EHF: variants seen among roughly 807,000 people sequenced by gnomAD.
EHF encodes the protein ESE3 transcription factor.
EHF carries 14 observed loss-of-function variants against 45.1 expected under a neutral mutation model. The observed-to-expected ratio is 0.31, with a 90% CI of 0.21 to 0.49. The LOEUF is 0.49. Among genes scored for constraint, EHF ranks in the 20% least tolerant of loss-of-function variants. The probability of loss-of-function intolerance (pLI) is 0.99; values close to 1 mark genes in which losing one functional copy is unlikely to be tolerated. For synonymous variants in EHF, 136 were observed against 131.8 expected (o/e 1.03, Z -0.22); for missense variants, 282 against 371.4 (o/e 0.76, Z 1.98).
rs752683027 is a variant in EHF at position 34,651,530 on chromosome 11, T to G, written c.407-12T>G. The stretch of plus-strand genomic sequence containing the variant: ...GAGATCGCTGACTATTCTCCTTCTC[T>G]ATTTTTTGTAGAGCCTTCCATCATG... On this transcript the variant is annotated splice_polypyrimidine_tract_variant and intron_variant, in intron 4 of 8. Coordinates refer to ENST00000257831, the MANE Select transcript of EHF (RefSeq NM_012153.6). The G allele has an allele frequency of 1.2e-6, 2 of 1,611,148 alleles. No individual in the cohort carries two copies. Among genetic ancestry groups the G allele is most frequent in the Non-Finnish European group, 1.7e-6 (2 of 1,177,540 alleles).
At chr11:34,632,304 C>T (rs977972627) in intron 1 of EHF, among the ~76,000 whole-genome samples, 2 of 152,160 alleles carry the variant, frequency 1.3e-5, no homozygotes, top group Non-Finnish European at 2.9e-5. Context: ...AAAGGTAGGG[C>T]TTATACCCTC....
chr11:34,642,220 T>C (rs1435026885), intron 1 of EHF: 2 of 178,334 alleles, frequency 1.1e-5, no homozygotes, highest in South Asian at 1.2e-4. Flanking sequence ...TGCCACCAGC[T>C]TGGATTTTCA....
At chr11:34,648,380 T>A (rs1009683701) in intron 3 of EHF, among the ~76,000 whole-genome samples, 1 of 151,764 alleles carries the variant, frequency 6.6e-6, no homozygotes, top group African/African-American at 2.4e-5. Flanking sequence ...TACATATATA[T>A]GCTTTTATAT....
chr11:34,655,210 T>TGG (rs1020011603), intron 6 of EHF, among the ~76,000 whole-genome samples: 3 of 152,138 alleles, frequency 2.0e-5, no homozygotes, highest in Non-Finnish European at 2.9e-5. Flanking sequence ...TTAACCAGGA[T>TGG]GAGAGGTTTC....
rs150387639 is a variant in EHF, at chr11:34,647,677, C to A, written c.343+993C>A. On this transcript the variant is annotated intron_variant, in intron 3 of 8. Transcript: ENST00000257831. Reference sequence around the variant, plus strand: ...CGGCATGAGCTCCAGGGCTGTGAACCAGAGTCATACCCTGGCAACAGCCAT... The same window carrying A: ...CGGCATGAGCTCCAGGGCTGTGAACAAGAGTCATACCCTGGCAACAGCCAT... Among the ~76,000 whole-genome samples, 23 of 152,352 alleles carry A rather than the reference C, an allele frequency of 1.5e-4. No individual in the cohort carries two copies. The East Asian group carries it at 4.4e-3, about 29-fold the overall frequency.
chr11:34,656,804 T>G (rs1013248736), intron 6 of EHF, 104 bp from the exon 7 acceptor site: 1 of 1,295,246 alleles, frequency 7.7e-7, no homozygotes, highest in African/African-American at 1.5e-5. Context: ...GTGCCAGGCA[T>G]GCAGTAGGTG....
At chr11:34,640,857 G>T (rs886855359) in intron 1 of EHF, among the ~76,000 whole-genome samples, 13 of 152,178 alleles carry the variant, frequency 8.5e-5, no homozygotes, top group African/African-American at 3.1e-4. Flanking sequence ...CGCTCCTCAT[G>T]ATAACACCTG....
At position 34,621,121 on chromosome 11, in the gene EHF, A is replaced by G. The variant is rs286925; in HGVS notation, c.-111A>G. ...CTGATGAGGGCTCAGACTTGATAAC[A>G]CCCGTGGTGCCCCATCCCTATAGGA... On this transcript the variant is annotated 5_prime_UTR_variant, in exon 1 of 9. Transcript: ENST00000257831. 113,199 of 152,192 alleles carry G rather than the reference A, an allele frequency of 0.74. 42,895 individuals carry two copies. Among genetic ancestry groups the G allele is most frequent in the Non-Finnish European group, 0.81 (55,332 of 68,012 alleles). The allele number at this position is 152,192 out of a possible 1,614,324, so 9.4% of individuals were successfully genotyped here.
rs929562395 is a variant in EHF, at chr11:34,651,670, A to C, written c.475+60A>C. 1.9e-6 allele frequency: 3 copies of C among 1,608,394 alleles called. No individual in the cohort carries two copies. The African/African-American group carries it at 4.0e-5, about 22-fold the overall frequency. On this transcript the variant is annotated intron_variant, in intron 5 of 8. Coordinates refer to ENST00000257831, the MANE Select transcript of EHF (RefSeq NM_012153.6). ...TTCTTATTCAGTTTGTCTAAGAGCC[A>C]CAGTGTTCTATTGTGAGGTGGGGGG...
intron 7 of EHF, among the ~76,000 whole-genome samples, chr11:34,657,309 A>G (rs1212742446): frequency 6.6e-6 from 1 of 152,212 alleles, no homozygotes; most frequent in Non-Finnish European, 1.5e-5. Context: ...AGATAAGAAG[A>G]AACAGCTGAG....
rs2281908 is a variant in EHF, at chr11:34,662,031, G to A, written c.*3100G>A. ...CCATCTGAGAAGGGAGACCCAGGTT[G>A]TGAGTTTTCCTTTGAACACATTGGT... On this transcript the variant is annotated 3_prime_UTR_variant, in exon 9 of 9. Transcript: ENST00000257831. Among the ~76,000 whole-genome samples, 63,499 of 151,986 alleles carry A rather than the reference G, an allele frequency of 0.42. 14,745 individuals carry two copies. The highest frequency in any genetic ancestry group is 0.53 in the Non-Finnish European group (36,226 of 67,938).
chr11:34,647,692 G>T (rs1396095035), intron 3 of EHF, among the ~76,000 whole-genome samples: 2 of 152,220 alleles, frequency 1.3e-5, no homozygotes, highest in East Asian at 3.8e-4. Flanking sequence ...TCATACCCTG[G>T]CAACAGCCAT....
At chr11:34,654,522 T>C (rs566700658) in intron 6 of EHF, among the ~76,000 whole-genome samples, 1 of 152,306 alleles carries the variant, frequency 6.6e-6, no homozygotes, top group East Asian at 1.9e-4. Flanking sequence ...CTTATTCCCC[T>C]TTATGATGAT....
intron 2 of EHF, 133 bp from the exon 3 acceptor site, chr11:34,646,306 C>A: frequency 7.1e-7 from 1 of 1,402,294 alleles, no homozygotes; most frequent in Non-Finnish European, 9.8e-7. Flanking sequence ...TCTGCTCCAT[C>A]ACCCATGCTG....
chr11:34,623,286 A>G (rs973742547), intron 1 of EHF, among the ~76,000 whole-genome samples: 1 of 152,036 alleles, frequency 6.6e-6, no homozygotes, highest in African/African-American at 2.4e-5. Context: ...GGGTTTTACC[A>G]TGTCAGCCAG....
chr11:34,640,510 C>T (rs570393486), intron 1 of EHF, among the ~76,000 whole-genome samples: 92 of 152,264 alleles, frequency 6.0e-4, no homozygotes, highest in Non-Finnish European at 1.1e-3. Flanking sequence ...AGGAACAAGC[C>T]CAGCCTTGAG....
intron 1 of EHF, chr11:34,632,439 G>A (rs1241899753): frequency 6.8e-7 from 1 of 1,471,034 alleles, no homozygotes; most frequent in East Asian, 2.5e-5. Context: ...CATTGTCTCA[G>A]AGAGAGACAT....
Position 34,661,046 on chromosome 11 carries a change from G to C in EHF, c.*2115G>C, listed in dbSNP as rs1043857731. 1.3e-5 allele frequency: 2 copies of C among 152,148 alleles called. No homozygotes were observed. Among genetic ancestry groups the C allele is most frequent in the African/African-American group, 4.8e-5 (2 of 41,444 alleles). The allele number at this position is 152,148 out of a possible 1,614,324, so 9.4% of individuals were successfully genotyped here. ...TGTTGTCAAGTAACAGTTACTGAAA[G>C]AGCTGAGAAAAAGAACAATGAACAG... On this transcript the variant is annotated 3_prime_UTR_variant, in exon 9 of 9. Transcript: ENST00000257831.
intron 1 of EHF, among the ~76,000 whole-genome samples, chr11:34,636,959 G>A (rs762737412): frequency 2.0e-5 from 3 of 151,276 alleles, no homozygotes; most frequent in African/African-American, 7.3e-5. Flanking sequence ...AACCTGGGAG[G>A]TGGAGGTTGT....
Sources: allele counts gnomAD v4.1 joint callset (sites outside exome capture counted in the v4.1 genomes callset), GRCh38; gene constraint gnomAD v4.1.1; transcripts MANE v1.5; gene names NCBI Gene and HGNC (gene_info 2026-07-23, HGNC 2026-07-21).